NOX4: variants seen among roughly 807,000 people sequenced by gnomAD.
NOX4 encodes the protein NADPH oxidase 4, also known as kidney oxidase-1.
In NOX4, 69 loss-of-function variants were observed where a neutral mutation model predicts 87.6. That is an observed-to-expected ratio of 0.79 (90% confidence interval 0.65 to 0.96). The LOEUF is 0.96. Ranked by LOEUF, NOX4 falls within the 40% of genes least tolerant of loss-of-function variation. NOX4 has a pLI of 0.00. For missense variants in NOX4, 680 were observed against 681.5 expected (o/e 1.00, Z 0.02); for synonymous variants, 275 against 238.2 (o/e 1.15, Z -1.42).
chr11:89,478,996 T>C (rs1368055894), intron 2 of NOX4, among the ~76,000 whole-genome samples: 1 of 145,824 alleles, frequency 6.9e-6, no homozygotes, highest in Admixed American at 6.7e-5. Flanking sequence ...TGAGATCCTG[T>C]TTTGTTTCAT....
chr11:89,534,676 G>T, the NOX4 span, among the ~76,000 whole-genome samples: 4 of 152,154 alleles, frequency 2.6e-5, no homozygotes, highest in Non-Finnish European at 5.9e-5. Flanking sequence ...GCTTAGAATG[G>T]TCTCAGAGTT....
chr11:89,572,499 G>A, the NOX4 span, among the ~76,000 whole-genome samples: 2 of 152,074 alleles, frequency 1.3e-5, no homozygotes, highest in African/African-American at 4.8e-5. Context: ...CAATAAAAAT[G>A]ATGTGCATTC....
the NOX4 span, among the ~76,000 whole-genome samples, chr11:89,557,643 G>C: frequency 6.6e-6 from 1 of 152,112 alleles, no homozygotes; most frequent in Non-Finnish European, 1.5e-5. Flanking sequence ...AGCTGAGACT[G>C]AGCAGGTTTA....
intron 8 of NOX4, among the ~76,000 whole-genome samples, chr11:89,419,196 G>A (rs1162007527): frequency 6.6e-6 from 1 of 152,008 alleles, no homozygotes; most frequent in Non-Finnish European, 1.5e-5. Flanking sequence ...GGACAGAGAA[G>A]CTAATGCTAA....
At chr11:89,524,676 A>G in the NOX4 span, among the ~76,000 whole-genome samples, 1 of 151,414 alleles carries the variant, frequency 6.6e-6, no homozygotes. Flanking sequence ...TTTCTTTTTT[A>G]AAAAAAAAGT....
the NOX4 span, among the ~76,000 whole-genome samples, chr11:89,571,486 G>A: frequency 5.3e-5 from 8 of 151,774 alleles, no homozygotes; most frequent in Non-Finnish European, 1.2e-4. Flanking sequence ...TAGTAGAGAC[G>A]GCATTTCACC....
chr11:89,390,983 C>G (rs1941079910), intron 11 of NOX4, among the ~76,000 whole-genome samples: 1 of 152,120 alleles, frequency 6.6e-6, no homozygotes, highest in Non-Finnish European at 1.5e-5. Context: ...TAGTTGCACC[C>G]TCTAAGGAAG....
At chr11:89,540,580 G>A in the NOX4 span, among the ~76,000 whole-genome samples, 2 of 151,958 alleles carry the variant, frequency 1.3e-5, no homozygotes, top group East Asian at 3.9e-4. Flanking sequence ...GAGGTCAGGA[G>A]ATCCAGACCA....
At chr11:89,493,392 A>AG (rs1946909780), upstream of NOX4, among the ~76,000 whole-genome samples, 1 of 152,048 alleles carries the variant, frequency 6.6e-6, no homozygotes, top group Non-Finnish European at 1.5e-5. Flanking sequence ...CTATCTCAAA[A>AG]AAAAAAAAGA....
At chr11:89,427,725 G>C (rs1429663169) in intron 7 of NOX4, among the ~76,000 whole-genome samples, 5 of 152,204 alleles carry the variant, frequency 3.3e-5, no homozygotes, top group Non-Finnish European at 5.9e-5. Context: ...TATGTGAGAA[G>C]ACCAAAACTA....
chr11:89,540,132 C>T, the NOX4 span, among the ~76,000 whole-genome samples: 4 of 151,952 alleles, frequency 2.6e-5, no homozygotes, highest in African/African-American at 9.7e-5. Flanking sequence ...CATAAAATGC[C>T]AAGACAATCA....
the NOX4 span, among the ~76,000 whole-genome samples, chr11:89,579,767 G>T: frequency 6.6e-6 from 1 of 152,016 alleles, no homozygotes; most frequent in East Asian, 1.9e-4. Flanking sequence ...CTTCCTACTC[G>T]CTTTTTCTGT....
chr11:89,407,281 A>G (rs1362808841), intron 8 of NOX4, among the ~76,000 whole-genome samples: 2 of 152,034 alleles, frequency 1.3e-5, no homozygotes, highest in African/African-American at 2.4e-5. Context: ...AAAGCAAAAA[A>G]CAAGAAGGGA....
At chr11:89,504,303 G>T in the NOX4 span, among the ~76,000 whole-genome samples, 2 of 151,912 alleles carry the variant, frequency 1.3e-5, no homozygotes, top group East Asian at 1.9e-4. Context: ...GACAGACAGC[G>T]TCACTTCACT....
chr11:89,410,679 A>G (rs1438554360), intron 8 of NOX4, among the ~76,000 whole-genome samples: 1 of 152,228 alleles, frequency 6.6e-6, no homozygotes, highest in East Asian at 1.9e-4. Context: ...ATTTAGACCC[A>G]GTACTAGCCA....
chr11:89,373,606 G>A, intron 11 of NOX4, 114 bp from the exon 12 acceptor site: 1 of 692,690 alleles, frequency 1.4e-6, no homozygotes, highest in Non-Finnish European at 2.6e-6. Flanking sequence ...ATAACAGGAA[G>A]GAACAGACTA....
At chr11:89,514,328 A>T in the NOX4 span, among the ~76,000 whole-genome samples, 8 of 151,996 alleles carry the variant, frequency 5.3e-5, no homozygotes, top group Admixed American at 1.3e-4. Flanking sequence ...ATAGAATTAC[A>T]GTTAATTTTT....
the NOX4 span, among the ~76,000 whole-genome samples, chr11:89,564,109 T>C: frequency 6.6e-6 from 1 of 152,124 alleles, no homozygotes; most frequent in Admixed American, 6.6e-5. Context: ...GATCTACTAA[T>C]AATAGAGAAT....
chr11:89,498,578 T>C (rs1264095581), upstream of NOX4, among the ~76,000 whole-genome samples: 1 of 152,160 alleles, frequency 6.6e-6, no homozygotes, highest in African/African-American at 2.4e-5. Flanking sequence ...CTGTACCCTA[T>C]TTTTCCACTT....
Sources: gnomAD v4.1 joint callset for allele counts (sites outside exome capture counted in the v4.1 genomes callset) on GRCh38, gnomAD v4.1.1 for gene constraint, MANE v1.5 for transcripts, NCBI Gene and HGNC (gene_info 2026-07-23, HGNC 2026-07-21) for gene names.